Variants in NAV1 observed in about 807,000 individuals in gnomAD.
NAV1 encodes the protein neuron navigator 1.
In NAV1, 18 loss-of-function variants were observed where a neutral mutation model predicts 175.2. The ratio of observed to expected loss-of-function variants is 0.10; its 90% CI spans 0.07 to 0.15. The LOEUF (loss-of-function observed/expected upper bound fraction) is 0.15. NAV1 is among the 10% of genes least tolerant of loss of function. The pLI is 1.00. For missense variants in NAV1, 1,731 were observed against 2,436.6 expected (o/e 0.71, Z 6.10); for synonymous variants, 897 against 978.7 (o/e 0.92, Z 1.56).
At chr1:201,661,414 C>G (rs953104286) in intron 1 of NAV1, among the ~76,000 whole-genome samples, 8 of 152,146 alleles carry the variant, frequency 5.3e-5, no homozygotes, top group Non-Finnish European at 1.2e-4. Context: ...CAGAGCAAAG[C>G]CCTGGAGCTT....
intron 1 of NAV1, among the ~76,000 whole-genome samples, chr1:201,659,842 C>T (rs1460880209): frequency 6.6e-6 from 1 of 152,136 alleles, no homozygotes; most frequent in Non-Finnish European, 1.5e-5. Flanking sequence ...TTCCCTTCTC[C>T]TAAACTCAAA....
At chr1:201,583,406 C>T (rs952498398) in intron 1 of NAV1, among the ~76,000 whole-genome samples, 2 of 152,248 alleles carry the variant, frequency 1.3e-5, no homozygotes, top group Admixed American at 6.5e-5. Context: ...GTTATCTCTC[C>T]CGCTCCCATT....
At chr1:201,671,766 G>A (rs1041334544) in intron 1 of NAV1, among the ~76,000 whole-genome samples, 3 of 152,122 alleles carry the variant, frequency 2.0e-5, no homozygotes, top group Non-Finnish European at 4.4e-5. Flanking sequence ...TGGCCATAAG[G>A]GGCTCTGGTC....
Position 201,810,041 on chromosome 1 carries a change from T to C in NAV1, c.4497T>C (p.Asp1499=). The C allele has an allele frequency of 4.3e-6, 7 of 1,614,120 alleles. No homozygotes were observed. Among genetic ancestry groups the C allele is most frequent in the Non-Finnish European group, 5.1e-6 (6 of 1,180,020 alleles). ...TCAGCCACGTGAAACGAGTGTTGGATGCAGAGCCCCCCGAGATGCCTCCTT... is the reference window on the plus strand; with the variant it reads ...TCAGCCACGTGAAACGAGTGTTGGACGCAGAGCCCCCCGAGATGCCTCCTT... Residue 1499 remains aspartate, a synonymous_variant, in exon 23 of 30, where the codon GAT becomes GAC. Coordinates refer to ENST00000367296, the Ensembl canonical transcript of NAV1. The surrounding 1 kb of genome is among the most constrained non-coding windows in gnomAD (Gnocchi z 6.0).
In NAV1 at chr1:201,592,299, G is replaced by T. The variant is rs1270870193; in HGVS notation, c.-33+3650G>T. ...CAGACACAATCCTGAAGCAGAGAGGGAAAGACAGTCCCTGCCCTGGGAAAG... is the reference window on the plus strand; with the variant it reads ...CAGACACAATCCTGAAGCAGAGAGGTAAAGACAGTCCCTGCCCTGGGAAAG... On this transcript the variant is annotated intron_variant, in intron 2 of 33. Coordinates refer to the NAV1 transcript ENST00000685211. 4.6e-5 allele frequency among the ~76,000 whole-genome samples: 7 copies of T among 152,220 alleles called. No homozygotes were observed. In the East Asian group the frequency reaches 1.2e-3, roughly 25 times the overall value.
At chr1:201,809,174 C>T in exon 21 of NAV1, 1 of 1,613,946 alleles carries the variant, frequency 6.2e-7, no homozygotes. Context: ...ACCTGTCACC[C>T]ATGGATGGCA....
intron 2 of NAV1, among the ~76,000 whole-genome samples, chr1:201,642,214 C>CTCCTTTCT (rs1484173871): frequency 0.024 from 2,691 of 110,276 alleles, 106 homozygotes; most frequent in African/African-American, 0.088. Flanking sequence ...TCTTCCTTCC[C>CTCCTTTCT]TCCTTTCTTC....
chr1:201,784,339 G>A (rs972721118), intron 7 of NAV1, among the ~76,000 whole-genome samples: 4 of 152,066 alleles, frequency 2.6e-5, no homozygotes, highest in African/African-American at 9.7e-5. Flanking sequence ...TGTATTTTTA[G>A]TAGAGACCAG....
At chr1:201,649,320 C>T in exon 1 of NAV1, 3 of 1,612,518 alleles carry the variant, frequency 1.9e-6, no homozygotes, top group South Asian at 1.1e-5. Context: ...TGGGCCTGTC[C>T]CCTCTGCCAA....
Position 201,608,705 on chromosome 1 carries a change from T to C in NAV1, c.-32-14148T>C, listed in dbSNP as rs577884216. Among the ~76,000 whole-genome samples, 305 of 152,300 alleles carry C rather than the reference T, an allele frequency of 2.0e-3. 2 individuals carry two copies. The highest frequency in any genetic ancestry group is 6.3e-3 in the African/African-American group (263 of 41,558). On this transcript the variant is annotated intron_variant, in intron 2 of 33. Transcript: ENST00000685211. ...TGGAGCCTCACAGCTCATGGGACTT[T>C]TTTTCTGAGATTGGGGTCAGCTGGG...
chr1:201,776,602 C>T (rs1184811787), intron 3 of NAV1, among the ~76,000 whole-genome samples: 1 of 146,630 alleles, frequency 6.8e-6, no homozygotes, highest in Non-Finnish European at 1.5e-5. Flanking sequence ...GATTGCACCA[C>T]TGCACTCTAG....
rs1201392092 is a variant in NAV1, at chr1:201,788,424, C to T, written c.2996-44C>T. Reference sequence around the variant, plus strand: ...GCTGATGACCCTGCCTCTTTTCCTGCCCTCCTGCTCCCTCTCCTGTCCCCC... The same window carrying T: ...GCTGATGACCCTGCCTCTTTTCCTGTCCTCCTGCTCCCTCTCCTGTCCCCC... On this transcript the variant is annotated intron_variant, in intron 9 of 29. Transcript: ENST00000367296. The surrounding 1 kb of genome is among the most constrained non-coding windows in gnomAD (Gnocchi z 5.7). 1 of 1,609,146 alleles carries T rather than the reference C, an allele frequency of 6.2e-7. No individual in the cohort carries two copies.
At chr1:201,762,518 T>A (rs1674924591) in intron 3 of NAV1, among the ~76,000 whole-genome samples, 1 of 152,222 alleles carries the variant, frequency 6.6e-6, no homozygotes, top group South Asian at 2.1e-4. Flanking sequence ...GAAAATTATG[T>A]GAAATTCAAA....
At chr1:201,739,709 G>C (rs1240473982) in intron 3 of NAV1, 3 of 1,032,456 alleles carry the variant, frequency 2.9e-6, no homozygotes, top group Admixed American at 1.0e-4. Flanking sequence ...CCACCGGAAC[G>C]GAGGAGGCTT....
At chr1:201,765,483 C>T (rs1291748052) in intron 3 of NAV1, among the ~76,000 whole-genome samples, 2 of 149,990 alleles carry the variant, frequency 1.3e-5, no homozygotes, top group Admixed American at 6.7e-5. Context: ...CAACCTCTGC[C>T]TCCCAATCTC....
At chr1:201,801,073 C>A (rs926133169) in intron 15 of NAV1, among the ~76,000 whole-genome samples, 7 of 152,300 alleles carry the variant, frequency 4.6e-5, no homozygotes, top group African/African-American at 1.7e-4. Context: ...AGCCATCCTC[C>A]CGCCTTGGCC....
chr1:201,812,094 G>A lies in NAV1; in HGVS notation c.5024+120G>A. 2 of 990,234 alleles carry A rather than the reference G, an allele frequency of 2.0e-6. No homozygotes were observed. The highest frequency in any genetic ancestry group is 3.2e-6 in the Non-Finnish European group (2 of 631,784). 61.3% of individuals were successfully genotyped at this position (990,234 alleles called of 1,614,324 possible). A position where few individuals can be genotyped will look rare whatever the true frequency, so the allele number is the denominator to read the frequency against. On this transcript the variant is annotated intron_variant, in intron 26 of 29. Coordinates refer to ENST00000367296, the Ensembl canonical transcript of NAV1. The surrounding 1 kb of genome is among the most constrained non-coding windows in gnomAD (Gnocchi z 4.6). ...AGAAGTATCCAGAGCTTTTTGGGCT[G>A]GAAATAGAAAGTAGATGTATTTGTC...
exon 1 of NAV1, chr1:201,648,503 C>T: frequency 8.1e-7 from 1 of 1,236,802 alleles, no homozygotes. Flanking sequence ...TGCCTCTCTC[C>T]CTCCTCCCTC....
chr1:201,563,277 G>A (rs888677901), intron 1 of NAV1, among the ~76,000 whole-genome samples: 4 of 151,996 alleles, frequency 2.6e-5, no homozygotes, highest in South Asian at 2.1e-4. Flanking sequence ...AAGAGCGTCC[G>A]GACGCCGGGA....
Sources: gnomAD v4.1 joint callset for allele counts (sites outside exome capture counted in the v4.1 genomes callset) on GRCh38, gnomAD v4.1.1 for gene constraint, Gnocchi (gnomAD v3.1) non-coding constraint, MANE v1.5 for transcripts, NCBI Gene and HGNC (gene_info 2026-07-23, HGNC 2026-07-21) for gene names.